GRIA2: variants seen among roughly 807,000 people sequenced by gnomAD.
The protein encoded by GRIA2 is glutamate ionotropic receptor AMPA type subunit 2.
In GRIA2, 14 loss-of-function variants were observed where a neutral mutation model predicts 97.3. The ratio of observed to expected loss-of-function variants is 0.14; its 90% CI spans 0.10 to 0.23. The LOEUF is 0.23. GRIA2 is among the 10% of genes least tolerant of loss of function. The pLI, the probability that GRIA2 is intolerant of heterozygous loss-of-function variation, is 1.00. For synonymous variants in GRIA2, 412 were observed against 387.8 expected, an observed-to-expected ratio of 1.06 and a Z score of -0.73; for missense variants, 558 against 1,069.8, an observed-to-expected ratio of 0.52 and a Z score of 6.67.
intron 14 of GRIA2, among the ~76,000 whole-genome samples, chr4:157,362,165 C>A (rs1736658417): frequency 6.6e-6 from 1 of 151,998 alleles, no homozygotes; most frequent in South Asian, 2.1e-4. Context: ...ATTTTGGAGA[C>A]CAAGAGATCA....
intron 2 of GRIA2, among the ~76,000 whole-genome samples, chr4:157,224,918 G>C (rs1335735261): frequency 6.6e-5 from 10 of 151,964 alleles, no homozygotes; most frequent in South Asian, 2.1e-4. Context: ...GTATCATCTT[G>C]CAATGCTCTT....
chr4:157,309,112 G>T (rs1319324877), intron 3 of GRIA2, among the ~76,000 whole-genome samples: 1 of 152,084 alleles, frequency 6.6e-6, no homozygotes, highest in Non-Finnish European at 1.5e-5. Flanking sequence ...TCTGCCTGTT[G>T]TTAGGAGATA....
Position 157,341,461 on chromosome 4 carries a change from G to A in GRIA2, c.2042G>A (p.Arg681Lys). ...TCTGGCTCCACTAAAGAGTTTTTCAGGGTAAGAGATTCTGCTTTGTAGTTT... is the reference window on the plus strand; with the variant it reads ...TCTGGCTCCACTAAAGAGTTTTTCAAGGTAAGAGATTCTGCTTTGTAGTTT... Reference protein sequence around the residue: ...LDSGSTKEFFRRSKIAVFDKM... With the variant: ...LDSGSTKEFFKRSKIAVFDKM... The change falls in exon 12 of 16, where the codon AGG (arginine) becomes AAG (lysine). Residue 681 changes from arginine to lysine, a missense_variant and splice_region_variant. Arg to Lys is a conservative substitution (Grantham distance 26). This residue lies in a region of GRIA2 where 125 missense variants were observed against 310.2 expected (regional missense o/e 0.40). Transcript: ENST00000264426. 2 of 1,591,874 alleles carry A rather than the reference G, an allele frequency of 1.3e-6. No individual in the cohort carries two copies. Among genetic ancestry groups the A allele is most frequent in the East Asian group, 2.2e-5 (1 of 44,716 alleles).
chr4:157,290,629 A>G (rs1165638255), intron 2 of GRIA2, among the ~76,000 whole-genome samples: 6 of 151,710 alleles, frequency 4.0e-5, no homozygotes, highest in Non-Finnish European at 8.8e-5. Context: ...GACTTACTTT[A>G]TATTATTCAC....
chr4:157,244,756 C>A (rs1049731991), intron 2 of GRIA2, among the ~76,000 whole-genome samples: 1 of 151,904 alleles, frequency 6.6e-6, no homozygotes, highest in African/African-American at 2.4e-5. Flanking sequence ...GACTTCCTAC[C>A]TCTTCATTGT....
intron 2 of GRIA2, among the ~76,000 whole-genome samples, chr4:157,227,725 G>C (rs1390613091): frequency 6.6e-6 from 1 of 152,076 alleles, no homozygotes; most frequent in Non-Finnish European, 1.5e-5. Flanking sequence ...ATTTCATTAA[G>C]TGTTTGCTCT....
intron 2 of GRIA2, among the ~76,000 whole-genome samples, chr4:157,245,768 C>T (rs1730705605): frequency 6.6e-6 from 1 of 152,048 alleles, no homozygotes; most frequent in South Asian, 2.1e-4. Context: ...TTGCCTATGT[C>T]TGTCTGAATT....
intron 2 of GRIA2, among the ~76,000 whole-genome samples, chr4:157,259,220 C>T (rs987368275): frequency 1.3e-5 from 2 of 151,816 alleles, no homozygotes; most frequent in African/African-American, 4.8e-5. Flanking sequence ...ACAGTGAGAC[C>T]CTGTCTGAAA....
chr4:157,298,726 G>T (rs573621963), intron 2 of GRIA2, among the ~76,000 whole-genome samples: 2 of 139,096 alleles, frequency 1.4e-5, no homozygotes, highest in Non-Finnish European at 3.0e-5. Context: ...ATAAAATTCC[G>T]TTTTTTTCCT....
intron 2 of GRIA2, among the ~76,000 whole-genome samples, chr4:157,226,825 C>T (rs1042084790): frequency 6.6e-6 from 1 of 152,062 alleles, no homozygotes; most frequent in Non-Finnish European, 1.5e-5. Flanking sequence ...CTTTCTTAAG[C>T]AATGATGACA....
intron 2 of GRIA2, among the ~76,000 whole-genome samples, chr4:157,248,602 T>TGTATATATACATGTATATATAC (rs1730862212): frequency 1.6e-5 from 2 of 126,946 alleles, no homozygotes; most frequent in African/African-American, 6.3e-5. Context: ...TGTATATATA[T>TGTATATATACATGTATATATAC]GTATATATAC....
intron 2 of GRIA2, among the ~76,000 whole-genome samples, chr4:157,279,494 T>C (rs949003183): frequency 6.6e-6 from 1 of 152,090 alleles, no homozygotes; most frequent in Non-Finnish European, 1.5e-5. Flanking sequence ...TTGGGTGATA[T>C]TATGTTTCAA....
At chr4:157,265,981 C>G (rs929189091) in intron 2 of GRIA2, among the ~76,000 whole-genome samples, 1 of 152,030 alleles carries the variant, frequency 6.6e-6, no homozygotes, top group African/African-American at 2.4e-5. Context: ...GAATATTGTT[C>G]AGAAGGCATA....
chr4:157,226,540 A>G (rs1424788934), intron 2 of GRIA2, among the ~76,000 whole-genome samples: 1 of 152,072 alleles, frequency 6.6e-6, no homozygotes, highest in Non-Finnish European at 1.5e-5. Flanking sequence ...CCCAGCTATC[A>G]TTTTTGAGCT....
chr4:157,272,593 C>T (rs1732084236), intron 2 of GRIA2, among the ~76,000 whole-genome samples: 1 of 152,070 alleles, frequency 6.6e-6, no homozygotes, highest in African/African-American at 2.4e-5. Flanking sequence ...AGAGTTCTAC[C>T]AGATTCTCAC....
At chr4:157,224,391 T>C (rs1291392138) in intron 2 of GRIA2, among the ~76,000 whole-genome samples, 1 of 152,198 alleles carries the variant, frequency 6.6e-6, no homozygotes, top group Non-Finnish European at 1.5e-5. Flanking sequence ...GAAGAGAGGC[T>C]CATTGGATAG....
At chr4:157,288,423 T>A (rs1222604836) in intron 2 of GRIA2, among the ~76,000 whole-genome samples, 1 of 151,686 alleles carries the variant, frequency 6.6e-6, no homozygotes, top group Non-Finnish European at 1.5e-5. Flanking sequence ...TTACTCGATC[T>A]CCATTGGAAC....
intron 6 of GRIA2, among the ~76,000 whole-genome samples, chr4:157,323,586 C>G (rs1349087841): frequency 6.6e-6 from 1 of 152,034 alleles, no homozygotes; most frequent in African/African-American, 2.4e-5. Flanking sequence ...CAAATGGAAC[C>G]AGCATGCTCC....
intron 2 of GRIA2, among the ~76,000 whole-genome samples, chr4:157,289,172 G>T (rs1732978389): frequency 6.6e-6 from 1 of 151,842 alleles, no homozygotes; most frequent in Admixed American, 6.6e-5. Context: ...AAGGGAAAAT[G>T]TCTACCTGAA....
Sources: allele counts gnomAD v4.1 joint callset (sites outside exome capture counted in the v4.1 genomes callset), GRCh38; gene constraint gnomAD v4.1.1; regional missense constraint gnomAD v4.1.1; transcripts MANE v1.5; gene names NCBI Gene and HGNC (gene_info 2026-07-23, HGNC 2026-07-21).